NMUR1: variants seen among roughly 807,000 people sequenced by gnomAD.
NMUR1 encodes the protein neuromedin U receptor 1.
NMUR1 carries 16 observed loss-of-function variants against 18.8 expected under a neutral mutation model. The observed-to-expected ratio is 0.85, with a 90% confidence interval of 0.58 to 1.29. The LOEUF (loss-of-function observed/expected upper bound fraction) is 1.29, where lower values mean the gene tolerates loss of function less well. NMUR1 is among the 50% of genes most tolerant of loss of function. The probability of loss-of-function intolerance (pLI) is 0.00; values close to 1 mark genes in which losing one functional copy is unlikely to be tolerated. For synonymous variants in NMUR1, 258 were observed against 258.2 expected (o/e 1.00, Z 0.01); for missense variants, 529 against 580.3 (o/e 0.91, Z 0.91).
Position 231,530,431 on chromosome 2 carries a change from A to G in NMUR1, c.-70T>C, listed in dbSNP as rs2047403907. 1 of 1,432,444 alleles carries G rather than the reference A, an allele frequency of 7.0e-7. No homozygotes were observed. Among genetic ancestry groups the G allele is most frequent in the Non-Finnish European group, 9.1e-7 (1 of 1,099,522 alleles). The allele number at this position is 1,432,444 out of a possible 1,614,324, so 88.7% of individuals were successfully genotyped here. On this transcript the variant is annotated 5_prime_UTR_variant, in exon 1 of 3. Coordinates refer to ENST00000305141, the MANE Select transcript of NMUR1 (RefSeq NM_006056.5). ...CGGACACAGACGCGGCGCGGGAGCC[A>G]GTGGACTGACTGACAGCGGCCCCAG...
At position 231,525,373 on chromosome 2, in the gene NMUR1, G is replaced by A. The variant is rs367827633; in HGVS notation, c.951C>T (p.Arg317=). Residue 317 remains arginine, a synonymous_variant, in exon 3 of 3, where the codon CGC becomes CGT. Transcript: ENST00000305141. ...GICWAPFHAD[R]VMWSVVSQWT... is the part of the protein sequence containing the mutation. ...ACTGTGACACGACGCTCCACATGAC[G>A]CGGTCGGCGTGGAACGGGGCCCAGC... The A allele has an allele frequency of 2.9e-5, 46 of 1,614,000 alleles. No individual in the cohort carries two copies. The highest frequency in any genetic ancestry group is 7.7e-5 in the South Asian group (7 of 91,078).
chr2:231,526,933 T>A (rs1347146735), intron 2 of NMUR1, among the ~76,000 whole-genome samples: 1 of 152,162 alleles, frequency 6.6e-6, no homozygotes, highest in Admixed American at 6.5e-5. Context: ...TACCTTAGCC[T>A]GCCCTAATCC....
At chr2:231,522,150 T>TTG (rs1279154973), downstream of NMUR1, among the ~76,000 whole-genome samples, 1 of 151,650 alleles carries the variant, frequency 6.6e-6, no homozygotes, top group East Asian at 1.9e-4. Context: ...TGGCTACTTT[T>TTG]TGTGTGTGTG....
chr2:231,522,903 G>A (rs775133073), downstream of NMUR1, among the ~76,000 whole-genome samples: 1 of 152,120 alleles, frequency 6.6e-6, no homozygotes, highest in Non-Finnish European at 1.5e-5. Context: ...CAGGCAGGAC[G>A]GCTCTTCCTC....
chr2:231,530,361 T>TGCGGCCC lies in NMUR1; in HGVS notation c.-7_-1dup, dbSNP rs749247622. The TGCGGCCC allele has an allele frequency of 2.4e-5, 35 of 1,488,774 alleles. No individual in the cohort carries two copies. The highest frequency in any genetic ancestry group is 2.1e-4 in the Middle Eastern group (1 of 4,758). The allele number at this position is 1,488,774 out of a possible 1,614,324, so 92.2% of individuals were successfully genotyped here. ...CACGCCGGCGCCTGCGCACCTACCATGCGGCCCGCGGCCCGCGAGACCCCG... is the reference window on the plus strand; with the variant it reads ...CACGCCGGCGCCTGCGCACCTACCATGCGGCCCGCGGCCCGCGGCCCGCGAGACCCCG... On this transcript the variant is annotated 5_prime_UTR_variant, in exon 1 of 3. Coordinates refer to ENST00000305141, the MANE Select transcript of NMUR1 (RefSeq NM_006056.5).
chr2:231,528,023 C>T, intron 2 of NMUR1, 100 bp downstream of exon 2: 1 of 1,298,870 alleles, frequency 7.7e-7, no homozygotes, highest in Non-Finnish European at 1.0e-6. Context: ...TTCCTCGTCC[C>T]CCATAAACCC....
chr2:231,528,039 C>T (rs2047373535), intron 2 of NMUR1, 84 bp downstream of exon 2: 1 of 1,428,858 alleles, frequency 7.0e-7, no homozygotes, highest in Non-Finnish European at 9.3e-7. Context: ...AACCCAGATA[C>T]TCAGCCCCTT....
At chr2:231,518,578 A>G (rs112996689), downstream of NMUR1, among the ~76,000 whole-genome samples, 415 of 152,346 alleles carry the variant, frequency 2.7e-3, 3 homozygotes, top group African/African-American at 9.4e-3. Flanking sequence ...GAATGTTAAC[A>G]GCAGTTAATT....
intron 2 of NMUR1, 93 bp from the exon 3 acceptor site, chr2:231,525,518 C>G: frequency 7.1e-7 from 1 of 1,402,710 alleles, no homozygotes; most frequent in Non-Finnish European, 9.6e-7. Context: ...TTCACATCCT[C>G]TCCTATCCCA....
At chr2:231,525,455 C>T (rs1197893825) in intron 2 of NMUR1, 30 bp from the exon 3 acceptor site, 2 of 1,575,096 alleles carry the variant, frequency 1.3e-6, no homozygotes, top group South Asian at 2.4e-5. Flanking sequence ...AGGCCGAGTG[C>T]CCGCCCGAGG....
At chr2:231,520,942 T>A (rs2047299017), downstream of NMUR1, among the ~76,000 whole-genome samples, 1 of 152,230 alleles carries the variant, frequency 6.6e-6, no homozygotes, top group Non-Finnish European at 1.5e-5. Context: ...GGAAGAATTA[T>A]TCCAGTGTAC....
chr2:231,522,830 C>T (rs1321869570), downstream of NMUR1, among the ~76,000 whole-genome samples: 1 of 152,234 alleles, frequency 6.6e-6, no homozygotes, highest in Non-Finnish European at 1.5e-5. Flanking sequence ...CCCCCAGCCT[C>T]TGTTGCTCTC....
chr2:231,527,094 C>A (rs2047363536), intron 2 of NMUR1, among the ~76,000 whole-genome samples: 2 of 152,214 alleles, frequency 1.3e-5, no homozygotes, highest in Non-Finnish European at 2.9e-5. Flanking sequence ...CTCTCCAACA[C>A]CCTCCTCCCC....
chr2:231,527,397 C>G (rs2047366962), intron 2 of NMUR1, among the ~76,000 whole-genome samples: 2 of 152,130 alleles, frequency 1.3e-5, no homozygotes, highest in Admixed American at 1.3e-4. Flanking sequence ...AATCCCAGCA[C>G]TTTGGGAGGC....
intron 1 of NMUR1, among the ~76,000 whole-genome samples, chr2:231,530,041 C>T (rs1378941661): frequency 6.6e-6 from 1 of 152,262 alleles, no homozygotes; most frequent in Non-Finnish European, 1.5e-5. Context: ...TTGAGCCCCA[C>T]ACCCTTCCTC....
downstream of NMUR1, among the ~76,000 whole-genome samples, chr2:231,522,136 C>G (rs2047310568): frequency 1.3e-5 from 2 of 151,920 alleles, no homozygotes; most frequent in Non-Finnish European, 2.9e-5. Flanking sequence ...TATGCCACCA[C>G]ACCTGGCTAC....
rs755686327 is a variant in NMUR1, at chr2:231,528,604, T to G, written c.417A>C (p.Leu139=). The part of the protein sequence containing the change: ...LGVGGCYFRT[L]LFEMVCLASV... ...AGGCCAGGCAGACCATCTCAAACAG[T>G]AGCGTGCGGAAATAGCAGCCACCAA... Residue 139 remains leucine, a synonymous_variant, in exon 2 of 3, where the codon CTA becomes CTC. Transcript: ENST00000305141. The G allele has an allele frequency of 4.3e-6, 7 of 1,613,984 alleles. No individual in the cohort carries two copies. The African/African-American group carries it at 6.7e-5, about 15-fold the overall frequency.
rs1230889657 is a variant in NMUR1 at position 231,525,050 on chromosome 2, G to A, written c.1274C>T (p.Pro425Leu). The A allele has an allele frequency of 6.4e-7, 1 of 1,572,146 alleles. No individual in the cohort carries two copies. The highest frequency in any genetic ancestry group is 8.6e-7 in the Non-Finnish European group (1 of 1,160,076). Residue 425 changes from proline (P) to leucine (L), a missense_variant, in exon 3 of 3, where the codon CCA becomes CTA. Pro to Leu is a moderately conservative substitution (Grantham distance 98). Transcript: ENST00000305141. Reference sequence around the variant, plus strand: ...GCCACTTTAAGGCTCCACTCAGGATGGATCGGTCTCTTGCTGCGCCTCTGG... The same window carrying A: ...GCCACTTTAAGGCTCCACTCAGGATAGATCGGTCTCTTGCTGCGCCTCTGG... ...DGPEAQQETD[P>L]S
In NMUR1 at chr2:231,530,368, C is replaced by G; in HGVS notation, c.-7G>C. On this transcript the variant is annotated 5_prime_UTR_variant, in exon 1 of 3. Coordinates refer to ENST00000305141, the MANE Select transcript of NMUR1 (RefSeq NM_006056.5). ...GCGCCTGCGCACCTACCATGCGGCC[C>G]GCGGCCCGCGAGACCCCGGCTTCCA... The G allele has an allele frequency of 2.0e-6, 3 of 1,487,230 alleles. No homozygotes were observed. Among genetic ancestry groups the G allele is most frequent in the Non-Finnish European group, 2.7e-6 (3 of 1,126,028 alleles). 92.1% of individuals were successfully genotyped at this position (1,487,230 alleles called of 1,614,324 possible). A position where few individuals can be genotyped will look rare whatever the true frequency, so the allele number is the denominator to read the frequency against.
Sources: allele counts gnomAD v4.1 joint callset (sites outside exome capture counted in the v4.1 genomes callset), GRCh38; gene constraint gnomAD v4.1.1; transcripts MANE v1.5; gene names NCBI Gene and HGNC (gene_info 2026-07-23, HGNC 2026-07-21).